The following IGF1R variants were observed in gnomAD, a reference collection of about 807,000 sequenced individuals.
IGF1R encodes insulin like growth factor 1 receptor, also known as insulin-like growth factor 1 receptor.
Under a neutral mutation model 144.6 loss-of-function variants are expected in IGF1R, and 44 were observed. That is an observed-to-expected ratio of 0.30 (90% CI 0.24 to 0.39). The LOEUF is 0.39. IGF1R is among the 10% of genes least tolerant of loss of function. IGF1R has a pLI of 1.00. For missense variants in IGF1R, 1,355 were observed against 1,833.7 expected, an observed-to-expected ratio of 0.74 and a Z score of 4.77; for synonymous variants, 795 against 722.8, an observed-to-expected ratio of 1.10 and a Z score of -1.60.
intron 2 of IGF1R, chr15:98,873,970 C>T (rs920104742): frequency 1.3e-4 from 20 of 152,208 alleles, no homozygotes; most frequent in African/African-American, 4.6e-4. Flanking sequence ...GCCTACCACA[C>T]CTCGTGGGTG....
At position 98,958,814 on chromosome 15, in the gene IGF1R, GTA is replaced by G. The variant is rs773305365; in HGVS notation, c.*1373_*1374del. The G allele has an allele frequency of 9.9e-5, 23 of 233,120 alleles. No individual in the cohort carries two copies. The highest frequency in any genetic ancestry group is 1.9e-4 in the Non-Finnish European group (22 of 117,770). 14.4% of individuals were successfully genotyped at this position (233,120 alleles called of 1,614,324 possible). ...CACTCCAAGAAACTTCTTATGCTTTGTACTAGAGTGCGTGACTTTCTTCCTCT... is the reference window on the plus strand; with the variant it reads ...CACTCCAAGAAACTTCTTATGCTTTGCTAGAGTGCGTGACTTTCTTCCTCT... On this transcript the variant is annotated 3_prime_UTR_variant, in exon 21 of 21. Coordinates refer to ENST00000650285, the MANE Select transcript of IGF1R (RefSeq NM_000875.5).
chr15:98,760,591 G>T (rs2055270907), intron 2 of IGF1R, among the ~76,000 whole-genome samples: 1 of 152,210 alleles, frequency 6.6e-6, no homozygotes, highest in South Asian at 2.1e-4. Context: ...CTGAGTGCAT[G>T]TCGCTGCGGC....
At chr15:98,956,121 C>T (rs1295434892) in intron 20 of IGF1R, among the ~76,000 whole-genome samples, 2 of 152,244 alleles carry the variant, frequency 1.3e-5, no homozygotes, top group African/African-American at 4.8e-5. Context: ...TGGGTCAGGG[C>T]AGCCGGCTTT....
intron 2 of IGF1R, among the ~76,000 whole-genome samples, chr15:98,823,979 A>T (rs2056846615): frequency 6.6e-6 from 1 of 152,236 alleles, no homozygotes; most frequent in Non-Finnish European, 1.5e-5. Context: ...GTTGTTTCTT[A>T]TACTCAGTCA....
At chr15:98,659,740 T>C (rs1235762551) in intron 1 of IGF1R, among the ~76,000 whole-genome samples, 1 of 152,154 alleles carries the variant, frequency 6.6e-6, no homozygotes, top group Non-Finnish European at 1.5e-5. Context: ...AATTTAAAGC[T>C]CCAAAATATT....
intron 19 of IGF1R, among the ~76,000 whole-genome samples, chr15:98,944,603 G>A (rs537631247): frequency 5.9e-5 from 9 of 152,220 alleles, no homozygotes; most frequent in African/African-American, 1.2e-4. Flanking sequence ...TCAGCAGCAC[G>A]AAGCAATGAT....
intron 1 of IGF1R, among the ~76,000 whole-genome samples, chr15:98,653,772 T>G (rs1301303549): frequency 6.6e-6 from 1 of 152,246 alleles, no homozygotes; most frequent in East Asian, 1.9e-4. Context: ...TAAAAATGTT[T>G]CCTGCCCTTC....
intron 2 of IGF1R, among the ~76,000 whole-genome samples, chr15:98,854,878 G>C (rs1470634686): frequency 2.0e-5 from 3 of 152,026 alleles, no homozygotes; most frequent in Non-Finnish European, 2.9e-5. Flanking sequence ...CTGGCTTTGG[G>C]TTCTACACGG....
rs867795223 is a variant in IGF1R, at chr15:98,958,345, G to A, written c.*903G>A. ...CAAGAATCTGGTGGCCATGGGCCCC[G>A]AAGCAGCCTGGCGGACAGGCTTGGA... On this transcript the variant is annotated 3_prime_UTR_variant, in exon 21 of 21. Transcript: ENST00000650285. The A allele has an allele frequency of 5.2e-5, 8 of 153,432 alleles. No homozygotes were observed. Among genetic ancestry groups the A allele is most frequent in the East Asian group, 3.2e-4 (2 of 6,248 alleles). The allele number at this position is 153,432 out of a possible 1,614,324, so 9.5% of individuals were successfully genotyped here.
intron 2 of IGF1R, among the ~76,000 whole-genome samples, chr15:98,807,322 C>T (rs755125891): frequency 5.9e-5 from 9 of 152,214 alleles, no homozygotes; most frequent in Non-Finnish European, 1.3e-4. Flanking sequence ...ATGTGGGACA[C>T]GTTCTTTGTC....
At chr15:98,735,335 G>T (rs1057240455) in intron 2 of IGF1R, among the ~76,000 whole-genome samples, 1 of 152,196 alleles carries the variant, frequency 6.6e-6, no homozygotes. Flanking sequence ...AAGTCCACTG[G>T]GGGCTCCCCG....
chr15:98,812,985 GTGGT>G (rs2056623651), intron 2 of IGF1R, among the ~76,000 whole-genome samples: 1 of 152,194 alleles, frequency 6.6e-6, no homozygotes, highest in Non-Finnish European at 1.5e-5. Context: ...TCGAAAAACA[GTGGT>G]TTAAGTGGCT....
At chr15:98,709,216 A>G (rs1242696007) in intron 2 of IGF1R, among the ~76,000 whole-genome samples, 3 of 152,258 alleles carry the variant, frequency 2.0e-5, no homozygotes, top group African/African-American at 7.2e-5. Context: ...AAAATAAATA[A>G]AAGGCGAGAC....
intron 1 of IGF1R, among the ~76,000 whole-genome samples, chr15:98,698,559 AC>A (rs1431829154): frequency 1.3e-5 from 2 of 152,208 alleles, no homozygotes; most frequent in African/African-American, 4.8e-5. Flanking sequence ...TCCTTTTGTG[AC>A]TGCCTTATTT....
At chr15:98,934,771 TTCTG>T (rs1274383548) in intron 15 of IGF1R, 49 bp from the exon 16 acceptor site, 8 of 1,505,822 alleles carry the variant, frequency 5.3e-6, no homozygotes, top group Non-Finnish European at 7.4e-6. Context: ...CCAAAGCACG[TTCTG>T]TCTAAGGGCT....
intron 10 of IGF1R, among the ~76,000 whole-genome samples, 162 bp from the exon 11 acceptor site, chr15:98,921,986 A>G (rs1225839451): frequency 6.6e-6 from 1 of 152,180 alleles, no homozygotes; most frequent in African/African-American, 2.4e-5. Flanking sequence ...AAGCAAGATA[A>G]TGAGGAAGGA....
chr15:98,930,314 C>G lies in IGF1R; in HGVS notation c.2956+9C>G, dbSNP rs1295897171. 6.2e-7 allele frequency: 1 copy of G among 1,604,756 alleles called. No homozygotes were observed. The highest frequency in any genetic ancestry group is 1.7e-5 in the Admixed American group (1 of 59,752). ...CTTCAGCGCTGCTGATGGTAAGAGT[C>G]CGGGCCACCAGCACTGCCAGCGTGC... On this transcript the variant is annotated intron_variant, in intron 15 of 20. Transcript: ENST00000650285.
intron 2 of IGF1R, among the ~76,000 whole-genome samples, chr15:98,787,911 A>G (rs2056035929): frequency 6.6e-6 from 1 of 151,970 alleles, no homozygotes; most frequent in African/African-American, 2.4e-5. Flanking sequence ...TTGGAGAGGG[A>G]AAGGGAGACA....
intron 2 of IGF1R, among the ~76,000 whole-genome samples, chr15:98,859,196 T>G (rs551667715): frequency 1.3e-5 from 2 of 152,204 alleles, no homozygotes; most frequent in Non-Finnish European, 2.9e-5. Flanking sequence ...GTGTAAAAAT[T>G]CAGCATGTCC....
Sources: allele counts gnomAD v4.1 joint callset (sites outside exome capture counted in the v4.1 genomes callset), GRCh38; gene constraint gnomAD v4.1.1; transcripts MANE v1.5; gene names NCBI Gene and HGNC (gene_info 2026-07-23, HGNC 2026-07-21).